The following PCLO variants were observed in gnomAD, a reference collection of about 807,000 sequenced individuals.
The protein encoded by PCLO is piccolo presynaptic cytomatrix protein, also known as protein piccolo.
PCLO carries 82 observed loss-of-function variants against 427.5 expected under a neutral mutation model. The observed-to-expected ratio is 0.19, with a 90% CI of 0.16 to 0.23. PCLO has a LOEUF of 0.23. Ranked by LOEUF, PCLO falls within the 10% of genes least tolerant of loss-of-function variation. PCLO has a pLI of 1.00. For synonymous variants in PCLO, 2,357 were observed against 2,155.4 expected (o/e 1.09, Z -2.59); for missense variants, 6,239 against 6,115.9 (o/e 1.02, Z -0.67).
chr7:82,818,882 C>T (rs185335875), intron 20 of PCLO, among the ~76,000 whole-genome samples: 15 of 152,220 alleles, frequency 9.9e-5, no homozygotes, highest in African/African-American at 1.2e-4. Flanking sequence ...TTTCAGAATG[C>T]GGATGGGATT....
intron 22 of PCLO, among the ~76,000 whole-genome samples, chr7:82,795,475 A>C (rs1791205068): frequency 6.6e-6 from 1 of 152,166 alleles, no homozygotes; most frequent in Non-Finnish European, 1.5e-5. Context: ...TGCCCAAACC[A>C]ATTAAGATAG....
rs969673861 is a variant in PCLO, at chr7:82,758,828, T to G, written c.15289-113A>C. 114 of 609,710 alleles carry G rather than the reference T, an allele frequency of 1.9e-4. No homozygotes were observed. The Middle Eastern group carries it at 1.9e-3, about 10-fold the overall frequency. The allele number at this position is 609,710 out of a possible 1,614,324, so 37.8% of individuals were successfully genotyped here. A position where few individuals can be genotyped will look rare whatever the true frequency, so the allele number is the denominator to read the frequency against. On this transcript the variant is annotated intron_variant, in intron 24 of 24. Coordinates refer to ENST00000333891, the MANE Select transcript of PCLO (RefSeq NM_033026.6). ...ATCAAAGACATAGCACGAAAGAGGGTGACGCTGAGTAGAAGTAGCAGACAT... is the reference window on the plus strand; with the variant it reads ...ATCAAAGACATAGCACGAAAGAGGGGGACGCTGAGTAGAAGTAGCAGACAT...
chr7:82,876,080 T>A (rs1182625312), intron 10 of PCLO, among the ~76,000 whole-genome samples: 1 of 152,064 alleles, frequency 6.6e-6, no homozygotes, highest in Non-Finnish European at 1.5e-5. Context: ...ATCAAAGAGA[T>A]GATCAATTTC....
intron 20 of PCLO, chr7:82,821,947 A>AC (rs199967006): frequency 0.014 from 14,147 of 985,526 alleles, 106 homozygotes; most frequent in Non-Finnish European, 0.016. Flanking sequence ...AAAATTTGTT[A>AC]GTGTTTTAAA....
intron 2 of PCLO, among the ~76,000 whole-genome samples, chr7:83,136,364 A>C (rs1791729423): frequency 6.6e-6 from 1 of 152,114 alleles, no homozygotes; most frequent in Non-Finnish European, 1.5e-5. Context: ...GTTTCTGGGA[A>C]TAAAACATGT....
chr7:83,098,740 T>C (rs1338734596), intron 3 of PCLO, among the ~76,000 whole-genome samples: 1 of 152,152 alleles, frequency 6.6e-6, no homozygotes, highest in Non-Finnish European at 1.5e-5. Flanking sequence ...ACTACTCTTT[T>C]ATACTCAAGG....
chr7:83,005,204 C>T (rs1030168753), intron 3 of PCLO, among the ~76,000 whole-genome samples: 64 of 151,604 alleles, frequency 4.2e-4, no homozygotes, highest in African/African-American at 1.5e-3. Context: ...TATCTGTACT[C>T]CCATTATATA....
intron 2 of PCLO, among the ~76,000 whole-genome samples, chr7:83,150,756 T>C (rs552959083): frequency 2.5e-4 from 38 of 152,232 alleles, no homozygotes; most frequent in African/African-American, 8.9e-4. Context: ...GTTAAGTGTA[T>C]CTATTTCACC....
intron 3 of PCLO, among the ~76,000 whole-genome samples, chr7:83,029,770 A>G (rs1222576842): frequency 7.6e-6 from 1 of 131,686 alleles, no homozygotes; most frequent in African/African-American, 2.9e-5. Flanking sequence ...ACCATGGAAT[A>G]CTATGCAGCC....
intron 3 of PCLO, among the ~76,000 whole-genome samples, chr7:83,099,851 C>T (rs1790693272): frequency 1.4e-5 from 2 of 146,504 alleles, no homozygotes; most frequent in Non-Finnish European, 3.0e-5. Flanking sequence ...CTGCTGTTGT[C>T]GTTAAATCCA....
intron 16 of PCLO, among the ~76,000 whole-genome samples, chr7:82,832,392 C>G (rs1317022987): frequency 6.6e-6 from 1 of 151,890 alleles, no homozygotes. Flanking sequence ...GCTGGGACTA[C>G]AGACACCCAC....
intron 20 of PCLO, among the ~76,000 whole-genome samples, chr7:82,819,425 T>G (rs6978091): frequency 3.3e-5 from 5 of 152,028 alleles, no homozygotes; most frequent in Admixed American, 2.0e-4. Flanking sequence ...TAATTAAAAA[T>G]AAGGTGTGAA....
intron 22 of PCLO, among the ~76,000 whole-genome samples, chr7:82,797,513 G>T (rs1051137092): frequency 2.0e-5 from 3 of 152,088 alleles, no homozygotes; most frequent in Non-Finnish European, 4.4e-5. Flanking sequence ...GTCGTGTATA[G>T]CTCTCATTGT....
chr7:83,109,767 AAT>A lies in PCLO; in HGVS notation c.3300+24481_3300+24482del, dbSNP rs1296190603. On this transcript the variant is annotated intron_variant, in intron 3 of 24. Transcript: ENST00000333891. The stretch of plus-strand genomic sequence containing the variant: ...AATCCATTTATTTTCACCTAAGAAA[AAT>A]GTCTTTCCAGCCCTTATAAATTTGT... Among the ~76,000 whole-genome samples, 6 of 152,242 alleles carry A rather than the reference AAT, an allele frequency of 3.9e-5. No individual in the cohort carries two copies. The East Asian group carries it at 1.2e-3, about 29-fold the overall frequency.
intron 24 of PCLO, among the ~76,000 whole-genome samples, chr7:82,759,127 C>T (rs1002520465): frequency 6.6e-6 from 1 of 151,830 alleles, no homozygotes; most frequent in African/African-American, 2.4e-5. Context: ...ATAAATATAA[C>T]TTCACAGAGC....
At chr7:82,803,674 ACATT>A in intron 21 of PCLO, among the ~76,000 whole-genome samples, 1 of 47,590 alleles carries the variant, frequency 2.1e-5, no homozygotes, top group Non-Finnish European at 5.7e-5. Flanking sequence ...TTCTGGCTAT[ACATT>A]TTATAATTTA....
intron 16 of PCLO, among the ~76,000 whole-genome samples, chr7:82,831,282 T>TA (rs1792087131): frequency 1.3e-5 from 2 of 152,132 alleles, no homozygotes; most frequent in Admixed American, 1.3e-4. Flanking sequence ...ATTTGATTTC[T>TA]TGCTTTTAAA....
At chr7:83,121,323 C>T (rs1367086264) in intron 3 of PCLO, among the ~76,000 whole-genome samples, 2 of 151,998 alleles carry the variant, frequency 1.3e-5, no homozygotes, top group African/African-American at 2.4e-5. Context: ...TTAAAATAAT[C>T]GGTAATAGAA....
At chr7:83,111,001 C>A (rs1281235134) in intron 3 of PCLO, among the ~76,000 whole-genome samples, 2 of 152,130 alleles carry the variant, frequency 1.3e-5, no homozygotes. Context: ...GTGTGGAAGA[C>A]CTTAAAGGAG....
Sources: gnomAD v4.1 joint callset for allele counts (sites outside exome capture counted in the v4.1 genomes callset) on GRCh38, gnomAD v4.1.1 for gene constraint, MANE v1.5 for transcripts, NCBI Gene and HGNC (gene_info 2026-07-23, HGNC 2026-07-21) for gene names.